HMCN1: variants seen among roughly 807,000 people sequenced by gnomAD.
HMCN1 encodes the protein hemicentin 1, also known as hemicentin-1.
A neutral mutation model predicts 625.9 loss-of-function variants in HMCN1; 321 were observed. The ratio of observed to expected loss-of-function variants is 0.51; its 90% CI spans 0.47 to 0.56. The LOEUF (loss-of-function observed/expected upper bound fraction) is 0.56. HMCN1 is among the 20% of genes least tolerant of loss of function. The pLI is 0.00. For missense variants in HMCN1, 6,588 were observed against 6,887.3 expected (o/e 0.96, Z 1.54); for synonymous variants, 2,425 against 2,417.6 (o/e 1.00, Z -0.09).
At chr1:186,173,510 G>A (rs1027900418) in intron 102 of HMCN1, among the ~76,000 whole-genome samples, 6 of 151,640 alleles carry the variant, frequency 4.0e-5, no homozygotes, top group South Asian at 2.1e-4. Flanking sequence ...GCATGGTGGC[G>A]CATGCCTATA....
intron 15 of HMCN1, 134 bp downstream of exon 15, chr1:185,970,627 G>A: frequency 1.3e-6 from 1 of 770,160 alleles, no homozygotes; most frequent in Non-Finnish European, 2.3e-6. Context: ...CAGATTAATA[G>A]AATAACAGTA....
intron 4 of HMCN1, among the ~76,000 whole-genome samples, chr1:185,905,724 T>C (rs906505815): frequency 6.6e-6 from 1 of 151,872 alleles, no homozygotes; most frequent in African/African-American, 2.4e-5. Context: ...TGGACTATTT[T>C]TAAGCATTGG....
rs74136061 is a variant in HMCN1, at chr1:186,182,191, G to A, written c.16318G>A (p.Asp5440Asn). ...CVDIDECENT[D>N]ACQHECKNTF... is the part of the protein sequence containing the mutation. ...AGATATTGATGAATGTGAAAATACA[G>A]ATGCCTGCCAGCATGAGTGTAAGAA... is the stretch of plus-strand genomic sequence containing the variant. The change falls in exon 105 of 107, where the codon GAT (aspartate) becomes AAT (asparagine). Residue 5440 changes from aspartate (D) to asparagine (N), a missense_variant. By Grantham distance (23) the Asp-to-Asn change is conservative. Coordinates refer to ENST00000271588, the MANE Select transcript of HMCN1 (RefSeq NM_031935.3). 848 of 1,613,346 alleles carry A rather than the reference G, an allele frequency of 5.3e-4. 6 individuals carry two copies. In the African/African-American group the frequency reaches 0.01, roughly 20 times the overall value.
At chr1:186,087,072 C>T (rs1049453124) in intron 58 of HMCN1, 145 bp from the exon 59 acceptor site, 6 of 665,836 alleles carry the variant, frequency 9.0e-6, no homozygotes, top group South Asian at 1.7e-5. Flanking sequence ...GAAAACTGAT[C>T]CAATTATTTT....
chr1:186,132,134 C>T (rs1299895077), intron 85 of HMCN1, among the ~76,000 whole-genome samples, 194 bp from the exon 86 acceptor site: 1 of 152,008 alleles, frequency 6.6e-6, no homozygotes, highest in Non-Finnish European at 1.5e-5. Flanking sequence ...TTTCTCCCTT[C>T]CCCCTCCTCT....
rs529784699 is a variant in HMCN1, at chr1:185,949,307, T to C, written c.1829-13211T>C. Among the ~76,000 whole-genome samples the C allele has an allele frequency of 2.7e-4, 41 of 151,856 alleles. No homozygotes were observed. The East Asian group carries it at 7.0e-3, about 26-fold the overall frequency. ...AAGATAGTAGGGATGACAAGTTTTT[T>C]TGGGCACAGTCTAAGTTGGTCTGGT... is the stretch of plus-strand genomic sequence containing the variant. On this transcript the variant is annotated intron_variant, in intron 11 of 106. Coordinates refer to ENST00000271588, the MANE Select transcript of HMCN1 (RefSeq NM_031935.3).
intron 97 of HMCN1, among the ~76,000 whole-genome samples, chr1:186,161,345 A>G (rs1300182744): frequency 0.015 from 2,266 of 150,478 alleles, 28 homozygotes; most frequent in Non-Finnish European, 0.025. Context: ...CCTGAATACA[A>G]CACGCTGATG....
chr1:185,767,951 G>A (rs146354872), intron 1 of HMCN1, among the ~76,000 whole-genome samples: 1 of 152,240 alleles, frequency 6.6e-6, no homozygotes, highest in African/African-American at 2.4e-5. Context: ...TTGAAAGATG[G>A]CTATCAGAAG....
At chr1:185,844,999 G>A (rs1011197329) in intron 1 of HMCN1, among the ~76,000 whole-genome samples, 4 of 152,192 alleles carry the variant, frequency 2.6e-5, no homozygotes, top group African/African-American at 4.8e-5. Context: ...CTCCAGGGAA[G>A]GCAGTGGCCC....
chr1:185,930,887 A>T (rs1667509268), intron 10 of HMCN1, among the ~76,000 whole-genome samples: 1 of 150,540 alleles, frequency 6.6e-6, no homozygotes, highest in African/African-American at 2.5e-5. Flanking sequence ...TGTTTTACTA[A>T]CACAATGACT....
intron 22 of HMCN1, among the ~76,000 whole-genome samples, chr1:185,991,430 G>A (rs1209982093): frequency 6.6e-6 from 1 of 152,070 alleles, no homozygotes; most frequent in Non-Finnish European, 1.5e-5. Flanking sequence ...CTTCCCAGGG[G>A]CAAACGCTGC....
Position 186,121,579 on chromosome 1 carries a change from G to A in HMCN1, c.12230-1372G>A, listed in dbSNP as rs143561350. On this transcript the variant is annotated intron_variant, in intron 80 of 106. Coordinates refer to ENST00000271588, the MANE Select transcript of HMCN1 (RefSeq NM_031935.3). ...GTAGATGATAGTGCCATGTTGGAACGCAAGGGGAAGAACTGGGTTGGGAAG... is the reference window on the plus strand; with the variant it reads ...GTAGATGATAGTGCCATGTTGGAACACAAGGGGAAGAACTGGGTTGGGAAG... 2.4e-4 allele frequency among the ~76,000 whole-genome samples: 36 copies of A among 152,246 alleles called. No homozygotes were observed. In the East Asian group the frequency reaches 5.4e-3, roughly 23 times the overall value.
At chr1:185,914,687 C>G (rs1216446478) in intron 6 of HMCN1, among the ~76,000 whole-genome samples, 1 of 151,866 alleles carries the variant, frequency 6.6e-6, no homozygotes, top group Non-Finnish European at 1.5e-5. Flanking sequence ...AAGTTCAGCT[C>G]AAATGACAAA....
chr1:186,152,659 C>G (rs577352131), intron 95 of HMCN1, 91 bp from the exon 96 acceptor site: 2 of 1,504,518 alleles, frequency 1.3e-6, no homozygotes, highest in Non-Finnish European at 1.8e-6. Context: ...ACTCAAAAAG[C>G]ATAGCTGAAC....
chr1:185,813,833 A>G (rs1040529966), intron 1 of HMCN1, among the ~76,000 whole-genome samples: 2 of 152,186 alleles, frequency 1.3e-5, no homozygotes, highest in African/African-American at 4.8e-5. Flanking sequence ...ACTTACCTTA[A>G]ACGTATGCTA....
intron 30 of HMCN1, among the ~76,000 whole-genome samples, chr1:186,013,540 G>A (rs931182472): frequency 2.0e-5 from 3 of 152,146 alleles, no homozygotes; most frequent in Non-Finnish European, 4.4e-5. Context: ...ACACCACTCA[G>A]CATCCAGATC....
chr1:186,188,355 G>T (rs149279258), intron 106 of HMCN1, among the ~76,000 whole-genome samples: 1 of 152,264 alleles, frequency 6.6e-6, no homozygotes, highest in African/African-American at 2.4e-5. Flanking sequence ...TGTTGCCTCA[G>T]GGTGGTAAGG....
At chr1:185,754,839 C>A (rs1010352845) in intron 1 of HMCN1, among the ~76,000 whole-genome samples, 4 of 152,042 alleles carry the variant, frequency 2.6e-5, no homozygotes, top group African/African-American at 7.3e-5. Context: ...CAGAGTGAGA[C>A]CCTGTCTCAA....
At chr1:185,833,018 A>T (rs1432543942) in intron 1 of HMCN1, among the ~76,000 whole-genome samples, 1 of 152,088 alleles carries the variant, frequency 6.6e-6, no homozygotes, top group Non-Finnish European at 1.5e-5. Context: ...TCTTCTCATT[A>T]TTTCTGTCTT....
Sources: gnomAD v4.1 joint callset for allele counts (sites outside exome capture counted in the v4.1 genomes callset) on GRCh38, gnomAD v4.1.1 for gene constraint, MANE v1.5 for transcripts, NCBI Gene and HGNC (gene_info 2026-07-23, HGNC 2026-07-21) for gene names.